Variants in DNAJC3 observed in about 807,000 individuals in gnomAD.
The protein encoded by DNAJC3 is DnaJ heat shock protein family (Hsp40) member C3, also known as dnaJ homolog subfamily C member 3.
DNAJC3 carries 38 observed loss-of-function variants against 68.6 expected under a neutral mutation model. That is an observed-to-expected ratio of 0.55 (90% CI 0.43 to 0.73). The LOEUF is 0.73. Among genes scored for constraint, DNAJC3 ranks in the 30% least tolerant of loss-of-function variants. The pLI is 0.00. For missense variants in DNAJC3, 526 were observed against 591.9 expected (o/e 0.89, Z 1.16); for synonymous variants, 203 against 204.0 (o/e 1.00, Z 0.04).
In DNAJC3 at chr13:95,787,206, C is replaced by G. The variant is rs929200869; in HGVS notation, c.1357+51C>G. On this transcript the variant is annotated intron_variant, in intron 11 of 11. Transcript: ENST00000602402. ...CTCATCCTAGAGGTGGTGTTAGAAGCGAGGGTGGAACATGTGGTGGGTTCT... is the reference window on the plus strand; with the variant it reads ...CTCATCCTAGAGGTGGTGTTAGAAGGGAGGGTGGAACATGTGGTGGGTTCT... The G allele has an allele frequency of 5.1e-6, 8 of 1,576,584 alleles. 1 individual carries two copies. Among genetic ancestry groups the G allele is most frequent in the Non-Finnish European group, 8.6e-7 (1 of 1,163,954 alleles).
intron 7 of DNAJC3, among the ~76,000 whole-genome samples, chr13:95,762,682 A>G (rs1238960453): frequency 3.3e-5 from 5 of 152,050 alleles, no homozygotes; most frequent in Non-Finnish European, 2.9e-5. Flanking sequence ...AACGTGTGCC[A>G]TGGTGGTTTG....
chr13:95,773,158 T>G lies in DNAJC3; in HGVS notation c.1075+9205T>G, dbSNP rs371007464. Among the ~76,000 whole-genome samples the G allele has an allele frequency of 4.3e-3, 651 of 150,834 alleles. 9 individuals are homozygous for G. The highest frequency in any genetic ancestry group is 0.015 in the African/African-American group (619 of 41,026). ...ATGGTTTTTGACAAATTTAGTTTTT[T>G]TTTTTTTTTTCATTTTGTTTTTGCT... On this transcript the variant is annotated intron_variant, in intron 9 of 11. Coordinates refer to ENST00000602402, the MANE Select transcript of DNAJC3 (RefSeq NM_006260.5).
intron 1 of DNAJC3, among the ~76,000 whole-genome samples, chr13:95,691,327 C>T (rs949459340): frequency 7.3e-5 from 11 of 151,280 alleles, no homozygotes; most frequent in African/African-American, 2.7e-4. Flanking sequence ...AGGGACTCCT[C>T]ACTTCTCAGA....
At chr13:95,760,573 T>C (rs1302846110) in intron 6 of DNAJC3, 106 bp from the exon 7 acceptor site, 4 of 1,406,148 alleles carry the variant, frequency 2.8e-6, no homozygotes, top group Non-Finnish European at 3.8e-6. Context: ...GTATGGTTTT[T>C]GTTTAATCGT....
At position 95,706,408 on chromosome 13, in the gene DNAJC3, C is replaced by G. The variant is rs1880750405; in HGVS notation, c.83-2819C>G. On this transcript the variant is annotated intron_variant, in intron 1 of 11. Coordinates refer to ENST00000602402, the MANE Select transcript of DNAJC3 (RefSeq NM_006260.5). ...TAGTGTTATATTTCACCCTCCTGGT[C>G]TAGCACCTTTAGAATCCATTGCCAT... Among the ~76,000 whole-genome samples the G allele has an allele frequency of 3.9e-5, 6 of 152,200 alleles. No individual in the cohort carries two copies. The South Asian group carries it at 1.0e-3, about 26-fold the overall frequency.
At chr13:95,755,416 A>G (rs1267847939) in intron 4 of DNAJC3, among the ~76,000 whole-genome samples, 1 of 151,810 alleles carries the variant, frequency 6.6e-6, no homozygotes, top group Non-Finnish European at 1.5e-5. Context: ...ATGCCACTAC[A>G]CTCCAGCCTG....
At chr13:95,690,663 G>A (rs1350027988) in intron 1 of DNAJC3, among the ~76,000 whole-genome samples, 1,806 of 144,772 alleles carry the variant, frequency 0.012, 43 homozygotes, top group African/African-American at 0.045. Flanking sequence ...CGGGCGGGGG[G>A]CTGACCCCCC....
chr13:95,695,991 T>C (rs1351432027), intron 1 of DNAJC3, among the ~76,000 whole-genome samples: 1 of 152,236 alleles, frequency 6.6e-6, no homozygotes, highest in South Asian at 2.1e-4. Context: ...GAATGATATA[T>C]GTGCTATAAA....
At chr13:95,752,788 C>T (rs1471678635) in intron 4 of DNAJC3, among the ~76,000 whole-genome samples, 3 of 152,164 alleles carry the variant, frequency 2.0e-5, no homozygotes, top group African/African-American at 7.2e-5. Flanking sequence ...CTAGGTCACA[C>T]TTTGAGAATC....
intron 4 of DNAJC3, among the ~76,000 whole-genome samples, chr13:95,744,495 G>A (rs1882244881): frequency 6.6e-6 from 1 of 152,170 alleles, no homozygotes; most frequent in Admixed American, 6.5e-5. Flanking sequence ...ATATATTTCA[G>A]AATCATTTTA....
intron 4 of DNAJC3, among the ~76,000 whole-genome samples, chr13:95,747,477 C>T (rs1452884897): frequency 6.6e-6 from 1 of 152,154 alleles, no homozygotes. Flanking sequence ...CAGAGGCAAG[C>T]ATGTGCCTGT....
rs1010302315 is a variant in DNAJC3 at position 95,760,016 on chromosome 13, A to T, written c.547-24A>T. 3.9e-6 allele frequency: 6 copies of T among 1,538,872 alleles called. No homozygotes were observed. In the African/African-American group the frequency reaches 8.3e-5, roughly 21 times the overall value. ...ATGTGCATAATTTATTCTTTCTTAA[A>T]GTCTAGTTCTTTTGTTCCTCAAGGT... On this transcript the variant is annotated intron_variant, in intron 5 of 11. Transcript: ENST00000602402.
intron 4 of DNAJC3, among the ~76,000 whole-genome samples, chr13:95,742,109 CTT>C (rs941457624): frequency 6.6e-6 from 1 of 152,178 alleles, no homozygotes; most frequent in African/African-American, 2.4e-5. Context: ...GGAGCACACA[CTT>C]TGTCCCTAGG....
At chr13:95,761,284 A>G (rs1344288006) in intron 7 of DNAJC3, among the ~76,000 whole-genome samples, 1 of 151,988 alleles carries the variant, frequency 6.6e-6, no homozygotes, top group Non-Finnish European at 1.5e-5. Flanking sequence ...AGAGAAGGTG[A>G]TAGATATTTA....
intron 4 of DNAJC3, among the ~76,000 whole-genome samples, chr13:95,740,824 C>G (rs539082520): frequency 1.3e-5 from 2 of 152,380 alleles, no homozygotes; most frequent in East Asian, 3.9e-4. Context: ...ATTCGGCCAT[C>G]TTGGCTCCTC....
At chr13:95,725,952 G>A (rs1339640790) in intron 4 of DNAJC3, among the ~76,000 whole-genome samples, 2 of 151,216 alleles carry the variant, frequency 1.3e-5, no homozygotes, top group Non-Finnish European at 2.9e-5. Context: ...GCGATAGTTT[G>A]CTGAGAATGA....
chr13:95,789,497 A>G (rs1883701976), intron 11 of DNAJC3, among the ~76,000 whole-genome samples: 2 of 152,138 alleles, frequency 1.3e-5, no homozygotes, highest in South Asian at 4.1e-4. Context: ...ATTCTTTTTT[A>G]TGGCTGCATA....
intron 3 of DNAJC3, 31 bp downstream of exon 3, chr13:95,723,397 AACTT>A (rs1431306641): frequency 6.3e-7 from 1 of 1,594,824 alleles, no homozygotes; most frequent in East Asian, 2.2e-5. Flanking sequence ...TTTAAAGGGG[AACTT>A]AACAGAACTT....
At chr13:95,789,056 T>TGA (rs1321926463) in intron 11 of DNAJC3, among the ~76,000 whole-genome samples, 1 of 152,236 alleles carries the variant, frequency 6.6e-6, no homozygotes. Context: ...CAAGTTACTG[T>TGA]GAGAGAGCAA....
Sources: gnomAD v4.1 joint callset for allele counts (sites outside exome capture counted in the v4.1 genomes callset) on GRCh38, gnomAD v4.1.1 for gene constraint, MANE v1.5 for transcripts, NCBI Gene and HGNC (gene_info 2026-07-23, HGNC 2026-07-21) for gene names.